The following ITPR2 variants were observed in gnomAD, a reference collection of about 807,000 sequenced individuals.
ITPR2 encodes the protein inositol 1,4,5-trisphosphate-gated calcium channel ITPR2.
ITPR2 carries 207 observed loss-of-function variants against 317.1 expected under a neutral mutation model. That is an observed-to-expected ratio of 0.65 (90% CI 0.58 to 0.73). The LOEUF is 0.73. Among genes scored for constraint, ITPR2 ranks in the 30% least tolerant of loss-of-function variants. The pLI is 0.00. For missense variants in ITPR2, 2,613 were observed against 3,284.0 expected (o/e 0.80, Z 4.99); for synonymous variants, 1,156 against 1,149.1 (o/e 1.01, Z -0.12).
At chr12:26,389,221 T>C (rs890709624) in intron 54 of ITPR2, among the ~76,000 whole-genome samples, 6 of 152,128 alleles carry the variant, frequency 3.9e-5, no homozygotes, top group Non-Finnish European at 8.8e-5. Flanking sequence ...GTGTCTCTCT[T>C]CTGTTGTAAA....
At chr12:26,571,140 T>C (rs1051481989) in intron 34 of ITPR2, among the ~76,000 whole-genome samples, 4 of 152,248 alleles carry the variant, frequency 2.6e-5, no homozygotes, top group Admixed American at 1.3e-4. Context: ...CAGTAATTTC[T>C]ACATATAAAA....
intron 2 of ITPR2, among the ~76,000 whole-genome samples, chr12:26,731,415 C>G (rs1216394879): frequency 6.6e-6 from 1 of 152,114 alleles, no homozygotes; most frequent in Non-Finnish European, 1.5e-5. Flanking sequence ...CAAGCTAGAA[C>G]CTTCCCAATG....
At chr12:26,409,895 T>C (rs78597373) in intron 52 of ITPR2, among the ~76,000 whole-genome samples, 6 of 152,046 alleles carry the variant, frequency 3.9e-5, no homozygotes, top group Admixed American at 6.5e-5. Context: ...GGCAGAAATA[T>C]GTAGAAAAAA....
At chr12:26,825,359 T>C (rs1199839003) in intron 1 of ITPR2, among the ~76,000 whole-genome samples, 1 of 152,238 alleles carries the variant, frequency 6.6e-6, no homozygotes, top group South Asian at 2.1e-4. Flanking sequence ...AATTCACTGT[T>C]ATTATAGCAT....
At chr12:26,649,873 TAGAC>T (rs1388951407) in intron 21 of ITPR2, among the ~76,000 whole-genome samples, 1 of 152,172 alleles carries the variant, frequency 6.6e-6, no homozygotes, top group African/African-American at 2.4e-5. Flanking sequence ...TATAGATAGA[TAGAC>T]AGATAGATAA....
chr12:26,754,657 G>T (rs1298618612), intron 2 of ITPR2, among the ~76,000 whole-genome samples: 2 of 152,196 alleles, frequency 1.3e-5, no homozygotes. Flanking sequence ...AGGAAAAGCT[G>T]AAGTTTTAAG....
rs542447847 is a variant in ITPR2 at position 26,363,772 on chromosome 12, A to T, written c.7858-23444T>A. Among the ~76,000 whole-genome samples, 24 of 152,310 alleles carry T rather than the reference A, an allele frequency of 1.6e-4. No homozygotes were observed. In the South Asian group the frequency reaches 3.9e-3, roughly 25 times the overall value. The stretch of plus-strand genomic sequence containing the variant: ...CATGTATCCCAGAACTTAAAAGAAA[A>T]AAAAAAGAGTCCTACAAATTGCACT... On this transcript the variant is annotated intron_variant, in intron 55 of 56. Transcript: ENST00000381340.
chr12:26,645,351 G>A (rs1789669354), intron 21 of ITPR2, among the ~76,000 whole-genome samples: 1 of 152,184 alleles, frequency 6.6e-6, no homozygotes, highest in African/African-American at 2.4e-5. Context: ...ACTGTGGATG[G>A]GATTATACCC....
At chr12:26,792,459 A>G (rs1205824906) in intron 1 of ITPR2, among the ~76,000 whole-genome samples, 4 of 151,842 alleles carry the variant, frequency 2.6e-5, no homozygotes, top group African/African-American at 9.7e-5. Flanking sequence ...CTCTTCTTGA[A>G]TACTTCCAAG....
intron 45 of ITPR2, among the ~76,000 whole-genome samples, chr12:26,457,104 G>A (rs1941908501): frequency 6.6e-6 from 1 of 152,174 alleles, no homozygotes; most frequent in Non-Finnish European, 1.5e-5. Context: ...GTTGGTGGAG[G>A]AGACATAAAC....
At chr12:26,706,734 A>T (rs575883626) in intron 9 of ITPR2, among the ~76,000 whole-genome samples, 1 of 152,280 alleles carries the variant, frequency 6.6e-6, no homozygotes, top group Admixed American at 6.5e-5. Flanking sequence ...GATCAGTCCC[A>T]GCCTCGAGGT....
chr12:26,571,870 ATG>A (rs1418280063), intron 34 of ITPR2, among the ~76,000 whole-genome samples: 1 of 152,232 alleles, frequency 6.6e-6, no homozygotes, highest in African/African-American at 2.4e-5. Flanking sequence ...TTTGTATTCC[ATG>A]TACAACTAAG....
At chr12:26,538,235 T>C (rs1428439792) in intron 37 of ITPR2, among the ~76,000 whole-genome samples, 1 of 152,200 alleles carries the variant, frequency 6.6e-6, no homozygotes, top group East Asian at 1.9e-4. Flanking sequence ...TGTGTTATGA[T>C]TGTTAAACTA....
At chr12:26,554,272 C>A (rs1591892510) in intron 36 of ITPR2, among the ~76,000 whole-genome samples, 1 of 152,208 alleles carries the variant, frequency 6.6e-6, no homozygotes, top group Non-Finnish European at 1.5e-5. Flanking sequence ...CATGTGGCTA[C>A]TGAGCACTTG....
chr12:26,498,602 G>C (rs1341142793), intron 37 of ITPR2, among the ~76,000 whole-genome samples: 1 of 152,122 alleles, frequency 6.6e-6, no homozygotes, highest in African/African-American at 2.4e-5. Context: ...TTAAAGAGTA[G>C]CTCAGTTTGT....
At chr12:26,651,324 C>A (rs1346467118) in intron 21 of ITPR2, among the ~76,000 whole-genome samples, 1 of 152,114 alleles carries the variant, frequency 6.6e-6, no homozygotes, top group African/African-American at 2.4e-5. Flanking sequence ...TGTTCTCCTG[C>A]CTTTCTTCAG....
At chr12:26,469,102 T>C (rs1942240997) in intron 45 of ITPR2, among the ~76,000 whole-genome samples, 1 of 152,288 alleles carries the variant, frequency 6.6e-6, no homozygotes, top group South Asian at 2.1e-4. Flanking sequence ...ATAACCTCCA[T>C]GTTAAGACAA....
intron 33 of ITPR2, among the ~76,000 whole-genome samples, chr12:26,579,252 C>G (rs1186732903): frequency 6.6e-6 from 1 of 152,030 alleles, no homozygotes; most frequent in Non-Finnish European, 1.5e-5. Flanking sequence ...ATGGTTCTAT[C>G]TAATAGTTTA....
At chr12:26,637,128 G>A (rs1946881166) in intron 21 of ITPR2, among the ~76,000 whole-genome samples, 2 of 152,184 alleles carry the variant, frequency 1.3e-5, no homozygotes, top group Middle Eastern at 3.4e-3. Context: ...TACTACCAGT[G>A]GTATTTTGCT....
Sources: allele counts gnomAD v4.1 joint callset (sites outside exome capture counted in the v4.1 genomes callset), GRCh38; gene constraint gnomAD v4.1.1; transcripts MANE v1.5; gene names NCBI Gene and HGNC (gene_info 2026-07-23, HGNC 2026-07-21).